The following PDE1A variants were observed in gnomAD, a reference collection of about 807,000 sequenced individuals.
The protein encoded by PDE1A is phosphodiesterase 1A.
Under a neutral mutation model 61.7 loss-of-function variants are expected in PDE1A, and 35 were observed. That is an observed-to-expected ratio of 0.57 (90% CI 0.43 to 0.75). The LOEUF (loss-of-function observed/expected upper bound fraction) is 0.75, where lower values mean the gene tolerates loss of function less well. PDE1A is among the 30% of genes least tolerant of loss of function. The probability of loss-of-function intolerance (pLI) is 0.00; values close to 1 mark genes in which losing one functional copy is unlikely to be tolerated. For synonymous variants in PDE1A, 232 were observed against 213.2 expected (o/e 1.09, Z -0.77); for missense variants, 597 against 630.6 (o/e 0.95, Z 0.57).
chr2:182,494,179 T>C (rs1430145), intron 2 of PDE1A, among the ~76,000 whole-genome samples: 63,384 of 151,886 alleles, frequency 0.42, 13,501 homozygotes, highest in African/African-American at 0.47. Flanking sequence ...TGGTCTTTAC[T>C]GGGATGTCTC....
chr2:182,560,163 T>C, the PDE1A span, among the ~76,000 whole-genome samples: 1 of 151,490 alleles, frequency 6.6e-6, no homozygotes, highest in African/African-American at 2.4e-5. Context: ...ACTGCACCCA[T>C]TAACTCGTCA....
chr2:182,140,256 AAAT>A (rs1471829261), exon 15 of PDE1A: 18 of 152,194 alleles, frequency 1.2e-4, no homozygotes, highest in Non-Finnish European at 2.2e-4. Flanking sequence ...TTTCTAGAGG[AAAT>A]ATTGCCATAT....
chr2:182,196,144 G>T (rs1393990616), intron 10 of PDE1A, among the ~76,000 whole-genome samples: 1 of 151,956 alleles, frequency 6.6e-6, no homozygotes, highest in Non-Finnish European at 1.5e-5. Context: ...ATATTTGTTG[G>T]CAGTATAAAC....
intron 1 of PDE1A, among the ~76,000 whole-genome samples, chr2:182,378,555 CTT>C (rs2125296973): frequency 6.6e-6 from 1 of 152,262 alleles, no homozygotes; most frequent in South Asian, 2.1e-4. Flanking sequence ...CTCTAATACT[CTT>C]GTCATGACCA....
chr2:182,456,236 C>T (rs1685911130), intron 2 of PDE1A, among the ~76,000 whole-genome samples: 1 of 152,044 alleles, frequency 6.6e-6, no homozygotes, highest in Non-Finnish European at 1.5e-5. Context: ...GCCATGCAAA[C>T]AATCGGCCCC....
chr2:182,173,733 T>G (rs573511753), intron 13 of PDE1A, among the ~76,000 whole-genome samples: 1 of 152,010 alleles, frequency 6.6e-6, no homozygotes, highest in African/African-American at 2.4e-5. Flanking sequence ...AAATCTAAAA[T>G]GTACATGTAT....
intron 1 of PDE1A, among the ~76,000 whole-genome samples, chr2:182,290,917 T>C (rs966058094): frequency 2.0e-5 from 3 of 152,004 alleles, no homozygotes; most frequent in Admixed American, 2.0e-4. Context: ...CTACACTGAA[T>C]TTTATATAAA....
chr2:182,270,516 A>G (rs1692940041), intron 1 of PDE1A, among the ~76,000 whole-genome samples: 1 of 151,968 alleles, frequency 6.6e-6, no homozygotes, highest in Admixed American at 6.6e-5. Flanking sequence ...GATACAAAAT[A>G]CCCAGGATAT....
At chr2:182,580,898 C>T in the PDE1A span, among the ~76,000 whole-genome samples, 1 of 152,130 alleles carries the variant, frequency 6.6e-6, no homozygotes, top group Middle Eastern at 3.4e-3. Flanking sequence ...ACATAAATTA[C>T]ATGCCTTGCA....
chr2:182,384,458 AAATAAT>A lies in PDE1A; in HGVS notation c.53+42114_53+42119del, dbSNP rs112896044. ...CAAAAAGCAAAATTTAATAAAGAGAAAATAATAATAATAATAATAATAATAATAATA... is the reference window on the plus strand; with the variant it reads ...CAAAAAGCAAAATTTAATAAAGAGAAAATAATAATAATAATAATAATAATA... On this transcript the variant is annotated intron_variant, in intron 1 of 13. Transcript: ENST00000351439. 7.2e-3 allele frequency among the ~76,000 whole-genome samples: 1,022 copies of A among 141,912 alleles called. 7 individuals are homozygous for A. The highest frequency in any genetic ancestry group is 0.014 in the African/African-American group (521 of 36,738). The allele number at this position is 141,912 out of a possible 152,430, so 93.1% of individuals were successfully genotyped here.
At chr2:182,181,263 T>G (rs1468377498) in intron 13 of PDE1A, among the ~76,000 whole-genome samples, 1 of 152,194 alleles carries the variant, frequency 6.6e-6, no homozygotes. Flanking sequence ...GACCTTTGGA[T>G]GAGGTTTTGT....
At chr2:182,153,738 G>A (rs776160211) in intron 13 of PDE1A, among the ~76,000 whole-genome samples, 1 of 152,152 alleles carries the variant, frequency 6.6e-6, no homozygotes, top group Non-Finnish European at 1.5e-5. Context: ...CCATGGAAAT[G>A]ATCAGATTTG....
rs541123614 is a variant in PDE1A at position 182,522,435 on chromosome 2, C to T, written c.-10-49G>A. On this transcript the variant is annotated intron_variant, in intron 1 of 14. Coordinates refer to the PDE1A transcript ENST00000410103. ...GTTTCAGCAGCTAGAACAAGCATTC[C>T]TCAGTCCATTACAAATCTTACACAC... The T allele has an allele frequency of 6.6e-4, 1,059 of 1,609,382 alleles. 2 individuals are homozygous for T. Among genetic ancestry groups the T allele is most frequent in the Non-Finnish European group, 8.1e-4 (958 of 1,178,342 alleles).
chr2:182,464,227 A>C (rs1298607875), intron 2 of PDE1A, among the ~76,000 whole-genome samples: 2 of 152,134 alleles, frequency 1.3e-5, no homozygotes, highest in African/African-American at 4.8e-5. Flanking sequence ...AAAATTATTC[A>C]ATGACACGTG....
chr2:182,386,694 G>T (rs1185470220), intron 1 of PDE1A, among the ~76,000 whole-genome samples: 4 of 151,364 alleles, frequency 2.6e-5, no homozygotes, highest in African/African-American at 9.7e-5. Flanking sequence ...CCCGGCAGCT[G>T]CCCCGTCTGG....
intron 1 of PDE1A, among the ~76,000 whole-genome samples, chr2:182,349,802 GCAAA>G (rs1465100047): frequency 6.6e-6 from 1 of 151,966 alleles, no homozygotes; most frequent in Admixed American, 6.6e-5. Context: ...AAAGACACAC[GCAAA>G]CAGAGATTAA....
At chr2:182,164,200 G>A (rs1213858190), downstream of PDE1A, among the ~76,000 whole-genome samples, 4 of 152,116 alleles carry the variant, frequency 2.6e-5, no homozygotes, top group Admixed American at 1.3e-4. Context: ...AGCAGGTCCT[G>A]AAGGCACAAG....
chr2:182,502,784 A>G (rs1377419114), intron 2 of PDE1A, among the ~76,000 whole-genome samples: 3 of 152,120 alleles, frequency 2.0e-5, no homozygotes, highest in African/African-American at 7.2e-5. Flanking sequence ...GCAAAACCTG[A>G]CCTGAACTGA....
the PDE1A span, among the ~76,000 whole-genome samples, chr2:182,633,745 G>A: frequency 1.3e-5 from 2 of 149,850 alleles, no homozygotes; most frequent in African/African-American, 5.1e-5. Context: ...TCCAAAAACA[G>A]ACTTCCACCT....
Sources: gnomAD v4.1 joint callset for allele counts (sites outside exome capture counted in the v4.1 genomes callset) on GRCh38, gnomAD v4.1.1 for gene constraint, MANE v1.5 for transcripts, NCBI Gene and HGNC (gene_info 2026-07-23, HGNC 2026-07-21) for gene names.